Variants in FAN1 observed in about 807,000 individuals in gnomAD.
The protein encoded by FAN1 is fanconi-associated nuclease 1.
In FAN1, 91 loss-of-function variants were observed where a neutral mutation model predicts 104.9. The observed-to-expected ratio is 0.87, with a 90% CI of 0.73 to 1.03. FAN1 has a LOEUF of 1.03. Ranked by LOEUF, FAN1 falls within the 50% of genes least tolerant of loss-of-function variation. The probability of loss-of-function intolerance (pLI) is 0.00; values close to 1 mark genes in which losing one functional copy is unlikely to be tolerated. For missense variants in FAN1, 1,263 were observed against 1,239.9 expected, an observed-to-expected ratio of 1.02 and a Z score of -0.28; for synonymous variants, 478 against 457.6, an observed-to-expected ratio of 1.04 and a Z score of -0.57.
rs1232928807 is a variant in FAN1, at chr15:30,905,227, T to A, written c.564T>A (p.Val188=). The A allele has an allele frequency of 1.2e-6, 2 of 1,614,026 alleles. No homozygotes were observed. The highest frequency in any genetic ancestry group is 1.7e-6 in the Non-Finnish European group (2 of 1,179,994). ...GSSPQSSKST[V]VKSLIDNSSE... Reference sequence around the variant, plus strand: ...GTCCACAGAGTTCCAAATCCACAGTTGTTAAGAGCCTGATTGATAACTCTT... The same window carrying A: ...GTCCACAGAGTTCCAAATCCACAGTAGTTAAGAGCCTGATTGATAACTCTT... Residue 188 remains valine, a synonymous_variant, in exon 2 of 15, where the codon GTT becomes GTA. Coordinates refer to ENST00000362065, the MANE Select transcript of FAN1 (RefSeq NM_014967.5).
chr15:30,941,279 A>T (rs901837329), intron 14 of FAN1: 1 of 1,497,376 alleles, frequency 6.7e-7, no homozygotes. Flanking sequence ...GAGGACAGGA[A>T]CAAAATTTAC....
intron 13 of FAN1, among the ~76,000 whole-genome samples, chr15:30,936,492 T>A (rs1000641035): frequency 2.4e-4 from 36 of 152,192 alleles, no homozygotes; most frequent in Non-Finnish European, 5.9e-5. Flanking sequence ...TAAAACAATT[T>A]TTCATTTGCT....
At chr15:30,932,728 T>C (rs1418288066) in intron 13 of FAN1, among the ~76,000 whole-genome samples, 2 of 150,584 alleles carry the variant, frequency 1.3e-5, no homozygotes, top group African/African-American at 4.9e-5. Context: ...TTTTTTTTTT[T>C]TTTGAGATGG....
In FAN1 at chr15:30,942,980, C is replaced by T; in HGVS notation, c.*1418C>T. 1.3e-6 allele frequency: 2 copies of T among 1,555,002 alleles called. No homozygotes were observed. Among genetic ancestry groups the T allele is most frequent in the Non-Finnish European group, 1.7e-6 (2 of 1,148,150 alleles). ...AGGGGTTATGGAAAAGGGTGCGATC[C>T]TTTGCTGTAAACTGGAGAGACCAGT... On this transcript the variant is annotated 3_prime_UTR_variant, in exon 15 of 15. Transcript: ENST00000362065.
Position 30,941,663 on chromosome 15 carries a change from C to T in FAN1, c.*101C>T. 6.2e-7 allele frequency: 1 copy of T among 1,613,054 alleles called. No individual in the cohort carries two copies. The highest frequency in any genetic ancestry group is 8.5e-7 in the Non-Finnish European group (1 of 1,179,494). On this transcript the variant is annotated 3_prime_UTR_variant, in exon 15 of 15. Coordinates refer to ENST00000362065, the MANE Select transcript of FAN1 (RefSeq NM_014967.5). ...GCCGCTGGCGTTGAAGTACATCCTGCTCTGGCCCAGCTCCCCATAGCAGGC... is the reference window on the plus strand; with the variant it reads ...GCCGCTGGCGTTGAAGTACATCCTGTTCTGGCCCAGCTCCCCATAGCAGGC...
At chr15:30,926,782 G>A (rs938304674) in intron 10 of FAN1, 1 of 985,404 alleles carries the variant, frequency 1.0e-6, no homozygotes, top group African/African-American at 1.7e-5. Flanking sequence ...GCGCTGAAAT[G>A]CTTTCAGTTG....
chr15:30,906,820 T>C (rs180732041), intron 2 of FAN1, among the ~76,000 whole-genome samples: 1 of 152,348 alleles, frequency 6.6e-6, no homozygotes, highest in African/African-American at 2.4e-5. Flanking sequence ...CTACTTTTGC[T>C]GTTCTCACCA....
chr15:30,925,370 GT>G, intron 9 of FAN1, 79 bp downstream of exon 9: 1 of 1,310,330 alleles, frequency 7.6e-7, no homozygotes, highest in Non-Finnish European at 1.1e-6. Context: ...CCTAAGAGCT[GT>G]TTTGAGTGTG....
rs543271656 is a variant in FAN1 at position 30,906,976 on chromosome 15, G to A, written c.1234+1079G>A. Among the ~76,000 whole-genome samples the A allele has an allele frequency of 2.0e-4, 30 of 152,068 alleles. No homozygotes were observed. The South Asian group carries it at 5.8e-3, about 29-fold the overall frequency. On this transcript the variant is annotated intron_variant, in intron 2 of 14. Transcript: ENST00000362065. ...GAGAAATAGGAACAGTTTTCCTAGT[G>A]CAAGTTCTGCATATGCATGTGTCTT...
chr15:30,925,686 T>C, intron 9 of FAN1, 103 bp from the exon 10 acceptor site: 1 of 1,316,662 alleles, frequency 7.6e-7, no homozygotes. Context: ...ACTAAGTGAC[T>C]GACTTTGTGG....
Position 30,937,274 on chromosome 15 carries a change from A to C in FAN1, c.*3+15A>C. The C allele has an allele frequency of 6.3e-7, 1 of 1,592,588 alleles. No homozygotes were observed. Among genetic ancestry groups the C allele is most frequent in the Non-Finnish European group, 8.5e-7 (1 of 1,172,202 alleles). The stretch of plus-strand genomic sequence containing the variant: ...TTAGCTAAAAGGTATGGAATTGGGG[A>C]TATTTGGTCATACATTAATGTAAGA... On this transcript the variant is annotated intron_variant, in intron 14 of 14. Transcript: ENST00000362065.
In FAN1 at chr15:30,929,275, C is replaced by G; in HGVS notation, c.2665C>G (p.Leu889Val). The G allele has an allele frequency of 6.2e-7, 1 of 1,613,598 alleles. No individual in the cohort carries two copies. Among genetic ancestry groups the G allele is most frequent in the African/African-American group, 1.3e-5 (1 of 74,934 alleles). ...RRPALEARLQ[L>V]IHDAPEESLR... is the part of the protein sequence containing the mutation. ...CCCAGCCCTTGAGGCCAGGCTGCAG[C>G]TGATTCATGATGCCCCCGAGGAGAG... Residue 889 changes from leucine (L) to valine (V), a missense_variant, in exon 12 of 15, where the codon CTG (leucine) becomes GTG (valine). Physicochemically the swap from Leu to Val is conservative, Grantham distance 32. This residue lies in a region of FAN1 where 581 missense variants were observed against 668.8 expected (regional missense o/e 0.87). Transcript: ENST00000362065.
chr15:30,941,276 G>T, intron 14 of FAN1: 1 of 1,493,428 alleles, frequency 6.7e-7, no homozygotes, highest in Non-Finnish European at 8.9e-7. Context: ...AAAGAGGACA[G>T]GAACAAAATT....
chr15:30,924,985 C>A, intron 8 of FAN1, 142 bp from the exon 9 acceptor site: 1 of 811,238 alleles, frequency 1.2e-6, no homozygotes, highest in Non-Finnish European at 1.9e-6. Context: ...AGGAAACAGC[C>A]TAAATCTCTA....
intron 4 of FAN1, 83 bp from the exon 5 acceptor site, chr15:30,913,775 A>G: frequency 1.1e-6 from 1 of 920,648 alleles, no homozygotes; most frequent in Non-Finnish European, 1.7e-6. Flanking sequence ...ATTTCTCTTT[A>G]TTTTAGATGA....
At chr15:30,928,000 C>T (rs2062508273) in intron 10 of FAN1, 1 of 985,716 alleles carries the variant, frequency 1.0e-6, no homozygotes, top group Non-Finnish European at 1.2e-6. Flanking sequence ...AAAGCCTTGA[C>T]TATCGGAAGC....
intron 8 of FAN1, among the ~76,000 whole-genome samples, chr15:30,924,738 C>T (rs1268188093): frequency 6.6e-6 from 1 of 152,158 alleles, no homozygotes; most frequent in African/African-American, 2.4e-5. Context: ...TGGAGGTTCT[C>T]ATTGTGTGGA....
rs746173775 is a variant in FAN1, at chr15:30,929,298, G to C, written c.2688G>C (p.Glu896Asp). ...RLQLIHDAPE[E>D]SLRAWVAATW... ...AGCTGATTCATGATGCCCCCGAGGA[G>C]AGCCTGCGGGCCTGGGTGGCAGCCA... The change falls in exon 12 of 15, where the codon GAG (glutamate) becomes GAC (aspartate). Residue 896 changes from glutamate to aspartate, a missense_variant. Physicochemically the swap from Glu to Asp is conservative, Grantham distance 45. This residue lies in a region of FAN1 where 581 missense variants were observed against 668.8 expected (regional missense o/e 0.87). Coordinates refer to ENST00000362065, the MANE Select transcript of FAN1 (RefSeq NM_014967.5). The C allele has an allele frequency of 6.2e-7, 1 of 1,612,926 alleles. No homozygotes were observed. Among genetic ancestry groups the C allele is most frequent in the Non-Finnish European group, 8.5e-7 (1 of 1,179,602 alleles).
intron 4 of FAN1, among the ~76,000 whole-genome samples, chr15:30,912,110 A>T (rs1349330924): frequency 3.9e-5 from 6 of 152,148 alleles, no homozygotes; most frequent in Admixed American, 3.9e-4. Context: ...TGCACTTAGC[A>T]TAGAACAGAT....
Sources: gnomAD v4.1 joint callset for allele counts (sites outside exome capture counted in the v4.1 genomes callset) on GRCh38, gnomAD v4.1.1 for gene constraint, gnomAD v4.1.1 regional missense constraint, MANE v1.5 for transcripts, NCBI Gene and HGNC (gene_info 2026-07-23, HGNC 2026-07-21) for gene names.